Variants in PDE1C observed in about 807,000 individuals in gnomAD.
PDE1C encodes dual specificity calcium/calmodulin-dependent 3',5'-cyclic nucleotide phosphodiesterase 1C.
PDE1C carries 62 observed loss-of-function variants against 93.1 expected under a neutral mutation model. That is an observed-to-expected ratio of 0.67 (90% CI 0.54 to 0.82). PDE1C has a LOEUF of 0.82. PDE1C is among the 40% of genes least tolerant of loss of function. The pLI, the probability that PDE1C is intolerant of heterozygous loss-of-function variation, is 0.00. For synonymous variants in PDE1C, 325 were observed against 310.1 expected, an observed-to-expected ratio of 1.05 and a Z score of -0.50; for missense variants, 742 against 884.6, an observed-to-expected ratio of 0.84 and a Z score of 2.04.
At chr7:31,656,160 T>A in the PDE1C span, 1 of 347,340 alleles carries the variant, frequency 2.9e-6, no homozygotes, top group African/African-American at 2.2e-5. Flanking sequence ...GAAAACCTCC[T>A]GTCTTGTGTT....
At chr7:31,680,256 A>G in the PDE1C span, among the ~76,000 whole-genome samples, 1 of 152,208 alleles carries the variant, frequency 6.6e-6, no homozygotes, top group Non-Finnish European at 1.5e-5. Flanking sequence ...CTTTGAGAAC[A>G]TGATACTCAA....
intron 2 of PDE1C, among the ~76,000 whole-genome samples, chr7:32,174,568 G>A (rs368428458): frequency 1.9e-3 from 293 of 152,276 alleles, no homozygotes; most frequent in African/African-American, 6.6e-3. Context: ...GCTCAGAGGC[G>A]TAACAAAGCA....
At chr7:32,018,610 T>C (rs1303528867) in intron 2 of PDE1C, among the ~76,000 whole-genome samples, 2 of 151,398 alleles carry the variant, frequency 1.3e-5, no homozygotes, top group Non-Finnish European at 3.0e-5. Flanking sequence ...ATGTCCAGAA[T>C]AGGTGAATCT....
the PDE1C span, among the ~76,000 whole-genome samples, chr7:31,717,266 A>AG: frequency 6.6e-6 from 1 of 152,388 alleles, no homozygotes; most frequent in South Asian, 2.1e-4. Flanking sequence ...TTATTTAAAA[A>AG]GTTAGTGAAT....
the PDE1C span, among the ~76,000 whole-genome samples, chr7:31,673,939 T>A: frequency 1.3e-5 from 2 of 152,148 alleles, no homozygotes; most frequent in African/African-American, 4.8e-5. Flanking sequence ...TCATCATGGG[T>A]AGCGAAAAGA....
chr7:32,328,355 C>A (rs1046211170), intron 1 of PDE1C, among the ~76,000 whole-genome samples: 4 of 152,182 alleles, frequency 2.6e-5, no homozygotes, highest in Non-Finnish European at 4.4e-5. Flanking sequence ...GAAATATTAT[C>A]AAACACAAGT....
intron 6 of PDE1C, 64 bp from the exon 7 acceptor site, chr7:31,865,146 T>G (rs1424169079): frequency 3.8e-6 from 6 of 1,573,644 alleles, no homozygotes; most frequent in Non-Finnish European, 4.4e-6. Context: ...GACACAGAAG[T>G]CTAAGGCACC....
chr7:31,948,052 T>C (rs1009992346), intron 2 of PDE1C, among the ~76,000 whole-genome samples: 1 of 152,178 alleles, frequency 6.6e-6, no homozygotes, highest in African/African-American at 2.4e-5. Flanking sequence ...TGAGGTCCTG[T>C]TAGATGGTGC....
At chr7:31,754,208 T>C (rs1375586797) in intron 17 of PDE1C, among the ~76,000 whole-genome samples, 2 of 152,182 alleles carry the variant, frequency 1.3e-5, no homozygotes, top group Non-Finnish European at 2.9e-5. Flanking sequence ...ACCTCCACAA[T>C]GCTAAAATCT....
chr7:31,979,400 T>C (rs57441744), intron 2 of PDE1C, among the ~76,000 whole-genome samples: 6,472 of 152,286 alleles, frequency 0.042, 145 homozygotes, highest in South Asian at 0.091. Flanking sequence ...TTCAAGTAAA[T>C]ACATAGTCAT....
intron 17 of PDE1C, among the ~76,000 whole-genome samples, chr7:31,759,900 TTCTC>T (rs149922505): frequency 6.6e-6 from 1 of 151,034 alleles, no homozygotes. Context: ...CATTCTCTCT[TTCTC>T]TCTCTCTCTC....
At position 31,990,286 on chromosome 7, in the gene PDE1C, T is replaced by C. The variant is rs538322508; in HGVS notation, c.128+61268A>G. ...TTCTTGTGGTAGTGAATAAGTCTTATGAGATCTGATGGTTTTATAAATGGG... is the reference window on the plus strand; with the variant it reads ...TTCTTGTGGTAGTGAATAAGTCTTACGAGATCTGATGGTTTTATAAATGGG... On this transcript the variant is annotated intron_variant, in intron 2 of 17. Coordinates refer to ENST00000396191, the MANE Select transcript of PDE1C (RefSeq NM_001191057.4). Among the ~76,000 whole-genome samples, 4 of 152,300 alleles carry C rather than the reference T, an allele frequency of 2.6e-5. No individual in the cohort carries two copies. In the South Asian group the frequency reaches 8.3e-4, roughly 32 times the overall value.
intron 1 of PDE1C, among the ~76,000 whole-genome samples, chr7:32,306,567 T>A (rs752799209): frequency 3.0e-4 from 45 of 152,250 alleles, no homozygotes; most frequent in Non-Finnish European, 5.1e-4. Flanking sequence ...CCAGCTTGCA[T>A]TCTTGCTCCA....
chr7:32,300,013 T>C (rs1388421395), upstream of PDE1C, among the ~76,000 whole-genome samples: 2 of 152,120 alleles, frequency 1.3e-5, no homozygotes, highest in Non-Finnish European at 2.9e-5. Flanking sequence ...ATCAACCAGG[T>C]ATATTCTTAA....
intron 2 of PDE1C, among the ~76,000 whole-genome samples, chr7:31,911,414 A>G (rs1473339019): frequency 6.6e-6 from 1 of 152,142 alleles, no homozygotes; most frequent in African/African-American, 2.4e-5. Context: ...GGGGCTCAGT[A>G]CTGAAGTAAC....
chr7:31,711,394 T>C, the PDE1C span, among the ~76,000 whole-genome samples: 1 of 152,116 alleles, frequency 6.6e-6, no homozygotes, highest in Admixed American at 6.5e-5. Flanking sequence ...TCAAATTCAA[T>C]CATGAAAAAA....
chr7:32,025,675 G>GGA (rs1439749937), intron 2 of PDE1C, among the ~76,000 whole-genome samples: 1 of 152,124 alleles, frequency 6.6e-6, no homozygotes, highest in Non-Finnish European at 1.5e-5. Flanking sequence ...GCCACAGCAG[G>GGA]GAGAGGATGT....
chr7:31,628,511 A>G, the PDE1C span, among the ~76,000 whole-genome samples: 2 of 149,134 alleles, frequency 1.3e-5, no homozygotes, highest in African/African-American at 2.5e-5. Flanking sequence ...GGGATGGAGT[A>G]CAGTGGCGCG....
At chr7:32,099,569 A>T (rs1584760719) in intron 3 of PDE1C, among the ~76,000 whole-genome samples, 1 of 152,218 alleles carries the variant, frequency 6.6e-6, no homozygotes, top group South Asian at 2.1e-4. Context: ...GATAATGAGG[A>T]CATTAACTAA....
Sources: allele counts gnomAD v4.1 joint callset (sites outside exome capture counted in the v4.1 genomes callset), GRCh38; gene constraint gnomAD v4.1.1; transcripts MANE v1.5; gene names NCBI Gene and HGNC (gene_info 2026-07-23, HGNC 2026-07-21).